The following THSD4 variants were observed in gnomAD, a reference collection of about 807,000 sequenced individuals.
THSD4 encodes thrombospondin type-1 domain-containing protein 4.
THSD4 carries 69 observed loss-of-function variants against 119.0 expected under a neutral mutation model. That is an observed-to-expected ratio of 0.58 (90% CI 0.48 to 0.71). The LOEUF is 0.71. Among genes scored for constraint, THSD4 ranks in the 30% least tolerant of loss-of-function variants. The probability of loss-of-function intolerance (pLI) is 0.00; values close to 1 mark genes in which losing one functional copy is unlikely to be tolerated. For missense variants in THSD4, 1,393 were observed against 1,391.1 expected, an observed-to-expected ratio of 1.00 and a Z score of -0.02; for synonymous variants, 524 against 540.4, an observed-to-expected ratio of 0.97 and a Z score of 0.42.
intron 6 of THSD4, among the ~76,000 whole-genome samples, chr15:71,288,521 C>G (rs992681485): frequency 6.6e-6 from 1 of 152,108 alleles, no homozygotes; most frequent in African/African-American, 2.4e-5. Context: ...AAAATAAATA[C>G]CCTGACTTAT....
chr15:71,435,733 G>A (rs1243273654), intron 7 of THSD4, among the ~76,000 whole-genome samples: 3 of 152,178 alleles, frequency 2.0e-5, no homozygotes, highest in Non-Finnish European at 2.9e-5. Context: ...TGAGCACATG[G>A]ACACGTGGCC....
intron 7 of THSD4, among the ~76,000 whole-genome samples, chr15:71,440,085 T>G (rs996564264): frequency 9.9e-5 from 15 of 152,164 alleles, no homozygotes; most frequent in Non-Finnish European, 1.9e-4. Flanking sequence ...CAAAAAGATT[T>G]TTTTTTTCCA....
rs533374657 is a variant in THSD4, at chr15:71,400,556, T to A, written c.1016-11131T>A. The stretch of plus-strand genomic sequence containing the variant: ...AATAATACGTAGATAATGCAGTCAG[T>A]GGAGGAAAAGTCTGGCGCTGCTGTG... On this transcript the variant is annotated intron_variant, in intron 6 of 17. Transcript: ENST00000261862. Among the ~76,000 whole-genome samples, 88 of 152,316 alleles carry A rather than the reference T, an allele frequency of 5.8e-4. 1 individual carries two copies. In the Middle Eastern group the frequency reaches 0.01, roughly 18 times the overall value.
rs114200796 is a variant in THSD4 at position 71,419,897 on chromosome 15, A to G, written c.1152+8074A>G. Among the ~76,000 whole-genome samples the G allele has an allele frequency of 6.1e-3, 660 of 108,536 alleles. 194 individuals carry two copies. The highest frequency in any genetic ancestry group is 0.019 in the African/African-American group (619 of 31,956). 71.2% of individuals were successfully genotyped at this position (108,536 alleles called of 152,430 possible). A position where few individuals can be genotyped will look rare whatever the true frequency, so the allele number is the denominator to read the frequency against. ...TAGGACTTGTTTGGTGGCCTAACAT[A>G]TGGTCTATCCTTAAGAATGATGCAT... On this transcript the variant is annotated intron_variant, in intron 7 of 17. Coordinates refer to ENST00000261862, the MANE Select transcript of THSD4 (RefSeq NM_024817.3).
intron 1 of THSD4, among the ~76,000 whole-genome samples, chr15:71,118,776 A>G (rs1275821571): frequency 6.6e-6 from 1 of 152,256 alleles, no homozygotes; most frequent in African/African-American, 2.4e-5. Flanking sequence ...TAAAAATGTT[A>G]TGCTGGAAGC....
At chr15:71,275,154 A>G (rs1437764098) in intron 6 of THSD4, among the ~76,000 whole-genome samples, 1 of 152,162 alleles carries the variant, frequency 6.6e-6, no homozygotes, top group Non-Finnish European at 1.5e-5. Context: ...ACAGAACAAC[A>G]GAGAAGAATC....
chr15:71,666,457 C>T (rs993430160), intron 8 of THSD4, among the ~76,000 whole-genome samples: 1 of 152,050 alleles, frequency 6.6e-6, no homozygotes, highest in African/African-American at 2.4e-5. Context: ...TTTTCCTGAT[C>T]TTCTCCCTCC....
At chr15:71,713,478 G>A (rs919169432) in intron 8 of THSD4, among the ~76,000 whole-genome samples, 2 of 152,172 alleles carry the variant, frequency 1.3e-5, no homozygotes, top group Non-Finnish European at 2.9e-5. Context: ...GAGATATAGT[G>A]GGGTTTACAC....
At chr15:71,199,488 GGT>G (rs1268989564) in intron 3 of THSD4, among the ~76,000 whole-genome samples, 2 of 62,612 alleles carry the variant, frequency 3.2e-5, no homozygotes, top group Non-Finnish European at 8.7e-5. Flanking sequence ...GTGTGTGTGG[GGT>G]GTGTGTGGTG....
chr15:71,547,366 G>T, intron 7 of THSD4: 1 of 1,548,680 alleles, frequency 6.5e-7, no homozygotes, highest in Non-Finnish European at 8.7e-7. Context: ...TTAGCACTTG[G>T]CAGACGGAGT....
intron 8 of THSD4, among the ~76,000 whole-genome samples, chr15:71,661,429 CCT>C (rs1244007182): frequency 6.6e-6 from 1 of 151,550 alleles, no homozygotes; most frequent in Non-Finnish European, 1.5e-5. Flanking sequence ...AGAATCTTGC[CCT>C]GTCACCCAGG....
chr15:71,550,982 G>C (rs760169937), intron 7 of THSD4, among the ~76,000 whole-genome samples: 43 of 152,162 alleles, frequency 2.8e-4, no homozygotes. Context: ...TTTGGATCCA[G>C]ATTTTCCATT....
intron 7 of THSD4, among the ~76,000 whole-genome samples, chr15:71,571,092 C>T (rs1354770448): frequency 6.6e-6 from 1 of 152,154 alleles, no homozygotes; most frequent in African/African-American, 2.4e-5. Flanking sequence ...GCATTTCCAC[C>T]GTGTCGGCGG....
intron 7 of THSD4, among the ~76,000 whole-genome samples, chr15:71,569,345 G>A (rs1189517073): frequency 3.9e-5 from 6 of 152,086 alleles, no homozygotes; most frequent in Non-Finnish European, 8.8e-5. Context: ...AGGGAGGACA[G>A]GAGAAAGAAA....
At chr15:71,465,745 C>T (rs1325114018) in intron 7 of THSD4, among the ~76,000 whole-genome samples, 3 of 152,170 alleles carry the variant, frequency 2.0e-5, no homozygotes, top group South Asian at 4.1e-4. Context: ...TTGTTGCTCT[C>T]TCATTTGTAA....
intron 14 of THSD4, among the ~76,000 whole-genome samples, chr15:71,753,356 C>T (rs748753275): frequency 1.9e-4 from 29 of 152,162 alleles, no homozygotes; most frequent in Non-Finnish European, 2.5e-4. Context: ...AGTCCACCAG[C>T]CTTAGTTTGG....
At chr15:71,180,164 A>T (rs868092658) in intron 3 of THSD4, among the ~76,000 whole-genome samples, 7 of 26,048 alleles carry the variant, frequency 2.7e-4, no homozygotes, top group Non-Finnish European at 7.2e-4. Flanking sequence ...ATTAAAAAAA[A>T]AAAAAATAAA....
At chr15:71,201,852 A>T (rs1277276009) in intron 3 of THSD4, among the ~76,000 whole-genome samples, 5 of 152,150 alleles carry the variant, frequency 3.3e-5, no homozygotes, top group Non-Finnish European at 7.4e-5. Context: ...ACATGGGCAG[A>T]AGGCAAGAGG....
intron 7 of THSD4, among the ~76,000 whole-genome samples, chr15:71,600,249 T>G (rs2140890568): frequency 6.6e-6 from 1 of 152,352 alleles, no homozygotes; most frequent in South Asian, 2.1e-4. Context: ...TGCCTTCTAG[T>G]CTTTGAATGG....
Sources: gnomAD v4.1 joint callset for allele counts (sites outside exome capture counted in the v4.1 genomes callset) on GRCh38, gnomAD v4.1.1 for gene constraint, MANE v1.5 for transcripts, NCBI Gene and HGNC (gene_info 2026-07-23, HGNC 2026-07-21) for gene names.